The following TTC13 variants were observed in gnomAD, a reference collection of about 807,000 sequenced individuals.
TTC13 encodes tetratricopeptide repeat domain 13.
TTC13 carries 62 observed loss-of-function variants against 120.0 expected under a neutral mutation model. The observed-to-expected ratio is 0.52, with a 90% CI of 0.42 to 0.64. The LOEUF (loss-of-function observed/expected upper bound fraction) is 0.64, where lower values mean the gene tolerates loss of function less well. Among genes scored for constraint, TTC13 ranks in the 30% least tolerant of loss-of-function variants. The pLI is 0.00. For missense variants in TTC13, 824 were observed against 1,050.2 expected (o/e 0.78, Z 2.98); for synonymous variants, 384 against 393.5 (o/e 0.98, Z 0.28).
At chr1:230,931,585 G>A in intron 10 of TTC13, 113 bp from the exon 11 acceptor site, 1 of 1,456,622 alleles carries the variant, frequency 6.9e-7, no homozygotes, top group South Asian at 1.3e-5. Flanking sequence ...CTGTAAACTA[G>A]TCTACAGGAC....
intron 3 of TTC13, chr1:230,956,413 C>T: frequency 4.9e-6 from 1 of 203,498 alleles, no homozygotes; most frequent in Non-Finnish European, 1.0e-5. Context: ...TCTGGCTCTG[C>T]CACTCACCAG....
intron 18 of TTC13, among the ~76,000 whole-genome samples, chr1:230,915,909 C>CT (rs546170891): frequency 6.6e-6 from 1 of 151,512 alleles, no homozygotes; most frequent in African/African-American, 2.4e-5. Context: ...CCTCGCCCCC[C>CT]CAAGGAACTT....
intron 19 of TTC13, among the ~76,000 whole-genome samples, 191 bp downstream of exon 19, chr1:230,912,432 T>G (rs182365035): frequency 7.9e-4 from 121 of 152,308 alleles, no homozygotes; most frequent in African/African-American, 2.6e-3. Flanking sequence ...AATTATTAAT[T>G]TATTATCCTC....
At chr1:230,915,908 C>T (rs1477660362) in intron 18 of TTC13, among the ~76,000 whole-genome samples, 4 of 151,698 alleles carry the variant, frequency 2.6e-5, no homozygotes, top group African/African-American at 9.7e-5. Flanking sequence ...CCCTCGCCCC[C>T]CCAAGGAACT....
At chr1:230,941,307 T>G (rs1373639123) in intron 6 of TTC13, among the ~76,000 whole-genome samples, 2 of 152,160 alleles carry the variant, frequency 1.3e-5, no homozygotes, top group Non-Finnish European at 2.9e-5. Context: ...ATTTTGTTGT[T>G]GTTTTAGAGA....
intron 1 of TTC13, among the ~76,000 whole-genome samples, chr1:230,974,786 AAT>A (rs937703697): frequency 1.6e-4 from 24 of 152,220 alleles, no homozygotes; most frequent in African/African-American, 5.8e-4. Flanking sequence ...CAGGTATACA[AAT>A]AGTTTTTCAA....
At chr1:230,948,914 C>T (rs932329108) in intron 4 of TTC13, among the ~76,000 whole-genome samples, 1 of 152,076 alleles carries the variant, frequency 6.6e-6, no homozygotes, top group African/African-American at 2.4e-5. Context: ...GCCTCGGTCC[C>T]CAAGAAATTC....
At chr1:230,925,384 C>A in intron 13 of TTC13, 133 bp downstream of exon 13, 2 of 1,066,060 alleles carry the variant, frequency 1.9e-6, no homozygotes, top group Non-Finnish European at 2.7e-6. Flanking sequence ...TGATTCTACA[C>A]ATTTCTATTC....
intron 4 of TTC13, 104 bp downstream of exon 4, chr1:230,954,229 T>C: frequency 1.3e-6 from 1 of 784,874 alleles, no homozygotes; most frequent in Non-Finnish European, 2.1e-6. Context: ...CACTTTCTTG[T>C]ATAATTTAAA....
chr1:230,938,540 C>T (rs1674280164), intron 8 of TTC13, among the ~76,000 whole-genome samples: 1 of 152,184 alleles, frequency 6.6e-6, no homozygotes, highest in South Asian at 2.1e-4. Context: ...TTCCCTCTAC[C>T]TCCTCTGCCC....
rs1228067701 is a variant in TTC13 at position 230,939,377 on chromosome 1, C to T, written c.900+9G>A. The T allele has an allele frequency of 1.3e-6, 2 of 1,574,476 alleles. No homozygotes were observed. Among genetic ancestry groups the T allele is most frequent in the Non-Finnish European group, 1.7e-6 (2 of 1,146,054 alleles). ...CATCATATGGTACACATATGCACAACACTTTCACCTTCAGAAGTCCTCTGT... is the reference window on the plus strand; with the variant it reads ...CATCATATGGTACACATATGCACAATACTTTCACCTTCAGAAGTCCTCTGT... On this transcript the variant is annotated intron_variant, in intron 8 of 22. Coordinates refer to ENST00000366661, the MANE Select transcript of TTC13 (RefSeq NM_024525.5).
intron 1 of TTC13, among the ~76,000 whole-genome samples, chr1:230,970,030 A>G (rs1459503738): frequency 2.0e-5 from 3 of 152,234 alleles, no homozygotes; most frequent in Non-Finnish European, 4.4e-5. Flanking sequence ...CCCACTGTAC[A>G]CATGGGGAAA....
intron 1 of TTC13, among the ~76,000 whole-genome samples, chr1:230,976,937 G>A (rs558312506): frequency 2.0e-5 from 3 of 152,196 alleles, no homozygotes; most frequent in Non-Finnish European, 4.4e-5. Flanking sequence ...TAGCCAGTGA[G>A]CACCACATGA....
intron 1 of TTC13, among the ~76,000 whole-genome samples, chr1:230,968,604 T>C (rs1677401342): frequency 6.6e-6 from 1 of 152,078 alleles, no homozygotes; most frequent in Non-Finnish European, 1.5e-5. Context: ...CCAGTTAAAA[T>C]GAGCAAAGTC....
chr1:230,958,433 T>C (rs1676310938), intron 2 of TTC13, 134 bp from the exon 3 acceptor site: 1 of 1,022,566 alleles, frequency 9.8e-7, no homozygotes, highest in Admixed American at 2.9e-5. Context: ...AATGCCACTA[T>C]TGTGGGAATG....
At chr1:230,943,551 G>A (rs560301214) in intron 6 of TTC13, among the ~76,000 whole-genome samples, 17 of 151,964 alleles carry the variant, frequency 1.1e-4, no homozygotes, top group South Asian at 4.2e-4. Flanking sequence ...AGTAGTACAC[G>A]TCATATTTTC....
chr1:230,919,405 T>G (rs1672357493), intron 17 of TTC13, among the ~76,000 whole-genome samples: 1 of 152,186 alleles, frequency 6.6e-6, no homozygotes, highest in Non-Finnish European at 1.5e-5. Context: ...AAAGCCCTTT[T>G]TATAACGGCA....
rs544065498 is a variant in TTC13 at position 230,944,406 on chromosome 1, A to T, written c.580-508T>A. On this transcript the variant is annotated intron_variant, in intron 5 of 22. Transcript: ENST00000366661. The surrounding 1 kb of genome is among the most constrained non-coding windows in gnomAD (Gnocchi z 4.0). ...AACTTTTTATTAAATATACATGCAA[A>T]TTTAATCTCAAGATATATAATTTTA... 1.1e-4 allele frequency among the ~76,000 whole-genome samples: 16 copies of T among 152,322 alleles called. No homozygotes were observed. In the South Asian group the frequency reaches 3.1e-3, roughly 30 times the overall value.
At chr1:230,931,649 G>C (rs917655014) in intron 10 of TTC13, 87 bp downstream of exon 10, 1 of 1,520,698 alleles carries the variant, frequency 6.6e-7, no homozygotes, top group Non-Finnish European at 9.0e-7. Flanking sequence ...ACTATTCTCA[G>C]TCCCCCTTCT....
Sources: allele counts gnomAD v4.1 joint callset (sites outside exome capture counted in the v4.1 genomes callset), GRCh38; gene constraint gnomAD v4.1.1; non-coding constraint Gnocchi (gnomAD v3.1); transcripts MANE v1.5; gene names NCBI Gene and HGNC (gene_info 2026-07-23, HGNC 2026-07-21).